Variants in ZNF469 observed in about 807,000 individuals in gnomAD.
ZNF469 encodes the protein zinc finger protein 469.
A neutral mutation model predicts 1.0 loss-of-function variants in ZNF469; 1 was observed. The observed-to-expected ratio is 1.00, with a 90% CI of 0.35 to 4.73. The LOEUF is 4.73. ZNF469 is among the 30% of genes most tolerant of loss of function. The probability of loss-of-function intolerance (pLI) is 0.16; values close to 1 mark genes in which losing one functional copy is unlikely to be tolerated. For synonymous variants in ZNF469, 2,703 were observed against 2,363.4 expected (o/e 1.14, Z -4.17); for missense variants, 6,100 against 5,356.3 (o/e 1.14, Z -4.33).
rs1426368121 is a variant in ZNF469, at chr16:88,430,508, C to T, written c.3038C>T (p.Pro1013Leu). 2.1e-6 allele frequency: 3 copies of T among 1,425,164 alleles called. No homozygotes were observed. The highest frequency in any genetic ancestry group is 3.1e-5 in the Admixed American group (1 of 32,212). 88.3% of individuals were successfully genotyped at this position (1,425,164 alleles called of 1,614,324 possible). A position where few individuals can be genotyped will look rare whatever the true frequency, so the allele number is the denominator to read the frequency against. ...GSRADPAPRV[P>L]RAAALPEETR... is the part of the protein sequence containing the mutation. Reference sequence around the variant, plus strand: ...CGCGCAGACCCCGCGCCCCGGGTCCCGAGAGCCGCCGCCCTCCCCGAGGAG... The same window carrying T: ...CGCGCAGACCCCGCGCCCCGGGTCCTGAGAGCCGCCGCCCTCCCCGAGGAG... Residue 1013 changes from proline (P) to leucine (L), a missense_variant, in exon 3 of 3, where the codon CCG (proline) becomes CTG (leucine). Physicochemically the swap from Pro to Leu is moderately conservative, Grantham distance 98 (BLOSUM62 -3). Transcript: ENST00000565624.
chr16:88,357,321 C>T, the ZNF469 span, among the ~76,000 whole-genome samples: 4 of 152,354 alleles, frequency 2.6e-5, no homozygotes, highest in Non-Finnish European at 4.4e-5. Flanking sequence ...GTCACTGCAG[C>T]GTGGTGCCAC....
chr16:88,130,588 C>T, the ZNF469 span, among the ~76,000 whole-genome samples: 13 of 151,898 alleles, frequency 8.6e-5, no homozygotes, highest in African/African-American at 2.9e-4. Context: ...TGCCTGTAGT[C>T]CCAGCTACTC....
intron 1 of ZNF469, among the ~76,000 whole-genome samples, chr16:88,406,317 T>A (rs1434224357): frequency 6.6e-6 from 1 of 152,176 alleles, no homozygotes; most frequent in Non-Finnish European, 1.5e-5. Flanking sequence ...GGCAGCTGTG[T>A]GTGTGGAATG....
chr16:88,388,768 G>C (rs887095311), intron 1 of ZNF469, among the ~76,000 whole-genome samples: 16 of 151,432 alleles, frequency 1.1e-4, no homozygotes, highest in African/African-American at 3.6e-4. Context: ...GGAGAGCCTG[G>C]TGCCAGGGCC....
intron 1 of ZNF469, among the ~76,000 whole-genome samples, chr16:88,399,463 A>G (rs1532630): frequency 0.67 from 102,415 of 151,900 alleles, 35,154 homozygotes; most frequent in African/African-American, 0.8. Flanking sequence ...AGGTTACACA[A>G]GCAGATGCCC....
the ZNF469 span, among the ~76,000 whole-genome samples, chr16:88,115,936 C>T: frequency 1.3e-5 from 2 of 152,200 alleles, no homozygotes; most frequent in South Asian, 2.1e-4. Context: ...AACCCTGCCC[C>T]GCCCATCTCC....
chr16:88,183,824 G>T, the ZNF469 span, among the ~76,000 whole-genome samples: 1 of 152,186 alleles, frequency 6.6e-6, no homozygotes, highest in Non-Finnish European at 1.5e-5. Flanking sequence ...GGGGGCGCAC[G>T]GTGAAAAGGA....
the ZNF469 span, among the ~76,000 whole-genome samples, chr16:88,239,202 T>C: frequency 2.0e-5 from 3 of 152,130 alleles, no homozygotes; most frequent in African/African-American, 7.2e-5. Context: ...TCTCTGGGGT[T>C]TTTCTACTGG....
the ZNF469 span, among the ~76,000 whole-genome samples, chr16:88,287,008 T>G: frequency 2.0e-5 from 3 of 152,206 alleles, no homozygotes; most frequent in Non-Finnish European, 4.4e-5. Context: ...CCGTTTTTCT[T>G]ATTCTTTTGC....
chr16:88,149,032 G>A, the ZNF469 span, among the ~76,000 whole-genome samples: 3 of 152,190 alleles, frequency 2.0e-5, no homozygotes, highest in Non-Finnish European at 4.4e-5. Context: ...CTTTGTGCCT[G>A]CTCCATTTAT....
chr16:88,404,502 G>A (rs1197459302), intron 1 of ZNF469, among the ~76,000 whole-genome samples: 1 of 152,230 alleles, frequency 6.6e-6, no homozygotes, highest in East Asian at 1.9e-4. Context: ...CTTCGTGGTG[G>A]GGAGAGGAAG....
the ZNF469 span, among the ~76,000 whole-genome samples, chr16:88,121,410 C>G: frequency 2.0e-5 from 3 of 152,170 alleles, no homozygotes; most frequent in African/African-American, 7.2e-5. Context: ...TGTCATGAGC[C>G]GAACATTTCA....
chr16:88,121,832 T>A, the ZNF469 span, among the ~76,000 whole-genome samples: 2 of 152,354 alleles, frequency 1.3e-5, no homozygotes, highest in South Asian at 4.1e-4. Flanking sequence ...TAGGAATTTA[T>A]TTGTCAAAAT....
the ZNF469 span, among the ~76,000 whole-genome samples, chr16:88,287,687 C>G: frequency 6.6e-6 from 1 of 152,336 alleles, no homozygotes; most frequent in Non-Finnish European, 1.5e-5. Context: ...GCCCCCACCC[C>G]CAGTACCCTT....
the ZNF469 span, among the ~76,000 whole-genome samples, chr16:88,366,384 C>T: frequency 6.6e-6 from 1 of 151,178 alleles, no homozygotes. Context: ...CCATCATCAC[C>T]TTCACCACCA....
At chr16:88,355,313 T>C in the ZNF469 span, among the ~76,000 whole-genome samples, 1 of 152,228 alleles carries the variant, frequency 6.6e-6, no homozygotes, top group Non-Finnish European at 1.5e-5. Context: ...CCTAACCTTC[T>C]TGGGCCTCGG....
chr16:88,436,141 A>C lies in ZNF469; in HGVS notation c.8671A>C (p.Thr2891Pro). 1 of 1,548,078 alleles carries C rather than the reference A, an allele frequency of 6.5e-7. No individual in the cohort carries two copies. ...RCEKPVLPLP[T>P]QPSFEEGGDP... The stretch of plus-strand genomic sequence containing the variant: ...TGAGAAGCCGGTGCTCCCGCTGCCA[A>C]CCCAGCCCAGCTTTGAGGAGGGCGG... Residue 2891 changes from threonine (T) to proline (P), a missense_variant, in exon 3 of 3, where the codon ACC becomes CCC. By Grantham distance (38) the Thr-to-Pro change is conservative. Transcript: ENST00000565624.
In ZNF469 at chr16:88,432,397, G is replaced by A; in HGVS notation, c.4927G>A (p.Ala1643Thr). 1.9e-6 allele frequency: 3 copies of A among 1,549,634 alleles called. No homozygotes were observed. The highest frequency in any genetic ancestry group is 2.6e-6 in the Non-Finnish European group (3 of 1,146,850). ...TGCACATCGGGAGGGTGCGGAATCG[G>A]CTGTGGCCACCGTGGAAGCGGTTCA... The part of the protein sequence containing the change: ...STAHREGAES[A>T]VATVEAVQGR... The change falls in exon 3 of 3, where the codon GCT becomes ACT. Residue 1643 changes from alanine (A) to threonine (T), a missense_variant. Physicochemically the swap from Ala to Thr is moderately conservative, Grantham distance 58. Transcript: ENST00000565624.
chr16:88,392,607 G>A (rs149100749), intron 1 of ZNF469, among the ~76,000 whole-genome samples: 3,098 of 152,320 alleles, frequency 0.02, 36 homozygotes, highest in Middle Eastern at 0.044. Flanking sequence ...GGCTGCTCTG[G>A]TGATTTTTAT....
Sources: gnomAD v4.1 joint callset for allele counts (sites outside exome capture counted in the v4.1 genomes callset) on GRCh38, gnomAD v4.1.1 for gene constraint, MANE v1.5 for transcripts, NCBI Gene and HGNC (gene_info 2026-07-23, HGNC 2026-07-21) for gene names.